Variants in NTM observed in about 807,000 individuals in gnomAD.
NTM encodes the protein IgLON family member 2.
In NTM, 13 loss-of-function variants were observed where a neutral mutation model predicts 42.1. The ratio of observed to expected loss-of-function variants is 0.31; its 90% CI spans 0.20 to 0.49. NTM has a LOEUF of 0.49. Ranked by LOEUF, NTM falls within the 20% of genes least tolerant of loss-of-function variation. The probability of loss-of-function intolerance (pLI) is 0.99; values close to 1 mark genes in which losing one functional copy is unlikely to be tolerated. For synonymous variants in NTM, 187 were observed against 179.2 expected (o/e 1.04, Z -0.35); for missense variants, 373 against 452.8 (o/e 0.82, Z 1.60).
chr11:132,047,139 C>A lies in NTM; in HGVS notation c.168-99143C>A, dbSNP rs147907838. Among the ~76,000 whole-genome samples, 93 of 152,348 alleles carry A rather than the reference C, an allele frequency of 6.1e-4. 2 individuals carry two copies. In the East Asian group the frequency reaches 0.016, roughly 27 times the overall value. Reference sequence around the variant, plus strand: ...GTGTTTCCTTATCCTTCTTTGCCTCCATCCAGTCTTCTGTGCCCCCATGGG... The same window carrying A: ...GTGTTTCCTTATCCTTCTTTGCCTCAATCCAGTCTTCTGTGCCCCCATGGG... On this transcript the variant is annotated intron_variant, in intron 2 of 8. Coordinates refer to ENST00000683400, the MANE Select transcript of NTM (RefSeq NM_001352005.2).
intron 2 of NTM, among the ~76,000 whole-genome samples, chr11:132,111,870 T>C (rs190787676): frequency 4.6e-5 from 7 of 152,354 alleles, no homozygotes; most frequent in African/African-American, 1.7e-4. Flanking sequence ...TCACCACTAG[T>C]TTGAATTTTC....
chr11:131,840,458 G>A (rs1044718775), intron 1 of NTM, among the ~76,000 whole-genome samples: 1 of 152,256 alleles, frequency 6.6e-6, no homozygotes, highest in South Asian at 2.1e-4. Flanking sequence ...GAGGTCTGAG[G>A]ATCGACCATG....
chr11:132,073,006 C>T (rs1285689776), intron 2 of NTM, among the ~76,000 whole-genome samples: 4 of 152,128 alleles, frequency 2.6e-5, no homozygotes, highest in Non-Finnish European at 2.9e-5. Context: ...AAAAATGAGG[C>T]TGGCTTATGA....
At chr11:131,438,449 G>A (rs1222311988) in intron 1 of NTM, among the ~76,000 whole-genome samples, 1 of 152,126 alleles carries the variant, frequency 6.6e-6, no homozygotes. Flanking sequence ...TTTTCACATA[G>A]TCCCATATTT....
At chr11:131,761,860 T>C in intron 1 of NTM, among the ~76,000 whole-genome samples, 1 of 133,376 alleles carries the variant, frequency 7.5e-6, no homozygotes, top group Non-Finnish European at 1.6e-5. Flanking sequence ...AATAAATAAA[T>C]AATAAATGCA....
At chr11:131,574,205 C>T (rs1014523492) in intron 1 of NTM, among the ~76,000 whole-genome samples, 1 of 152,066 alleles carries the variant, frequency 6.6e-6, no homozygotes, top group African/African-American at 2.4e-5. Context: ...CAACTTTATG[C>T]TTCATAGTTA....
intron 3 of NTM, among the ~76,000 whole-genome samples, chr11:132,175,024 C>A (rs1020316108): frequency 2.0e-5 from 3 of 152,138 alleles, no homozygotes; most frequent in African/African-American, 7.2e-5. Context: ...TTTCCCCCTG[C>A]AGCCTGCTGG....
intron 4 of NTM, among the ~76,000 whole-genome samples, chr11:132,213,212 G>A (rs115184238): frequency 0.01 from 1,567 of 152,222 alleles, 33 homozygotes; most frequent in African/African-American, 0.036. Context: ...CATGAAAGAC[G>A]CATATTAGGG....
Position 131,564,503 on chromosome 11 carries a change from AT to A in NTM, c.82+193625del, listed in dbSNP as rs1026780596. On this transcript the variant is annotated intron_variant, in intron 1 of 8. Transcript: ENST00000683400. Reference sequence around the variant, plus strand: ...GCTCTTTAGTGTCTCTTCTTTTTCAATTTTTTTTTTATTTTTCCAGCTTTTT... The same window carrying A: ...GCTCTTTAGTGTCTCTTCTTTTTCAATTTTTTTTTATTTTTCCAGCTTTTT... Among the ~76,000 whole-genome samples the A allele has an allele frequency of 2.1e-3, 318 of 149,572 alleles. 3 individuals are homozygous for A. The highest frequency in any genetic ancestry group is 5.6e-3 in the African/African-American group (229 of 40,804).
intron 1 of NTM, among the ~76,000 whole-genome samples, chr11:131,862,212 C>T (rs944113586): frequency 6.6e-6 from 1 of 152,162 alleles, no homozygotes; most frequent in Non-Finnish European, 1.5e-5. Flanking sequence ...GAGGAGGGAA[C>T]ATGTATTTCT....
At chr11:132,044,030 G>A (rs1419503286) in intron 2 of NTM, among the ~76,000 whole-genome samples, 1 of 150,742 alleles carries the variant, frequency 6.6e-6, no homozygotes, top group Non-Finnish European at 1.5e-5. Flanking sequence ...ATGTGTGTAT[G>A]TGTGTATATG....
intron 2 of NTM, among the ~76,000 whole-genome samples, chr11:132,032,492 A>G (rs1345923242): frequency 1.3e-5 from 2 of 152,176 alleles, no homozygotes; most frequent in Non-Finnish European, 2.9e-5. Flanking sequence ...ATCCAAGTCA[A>G]TGTTCAGTGA....
intron 1 of NTM, among the ~76,000 whole-genome samples, chr11:131,873,201 G>A (rs1386893688): frequency 6.6e-6 from 1 of 152,116 alleles, no homozygotes; most frequent in Non-Finnish European, 1.5e-5. Flanking sequence ...ATGAGTTCAT[G>A]TCCTTTTCAG....
chr11:132,005,120 T>C (rs2070466974), intron 2 of NTM, among the ~76,000 whole-genome samples: 1 of 152,110 alleles, frequency 6.6e-6, no homozygotes, highest in East Asian at 1.9e-4. Context: ...ACACAGCTGG[T>C]CATTAGATTA....
chr11:132,029,172 G>A (rs1404399705), intron 2 of NTM, among the ~76,000 whole-genome samples: 1 of 151,924 alleles, frequency 6.6e-6, no homozygotes, highest in South Asian at 2.1e-4. Context: ...GTTTTGCTCT[G>A]TGACATCTCT....
At position 131,630,483 on chromosome 11, in the gene NTM, A is replaced by T. The variant is rs150876667; in HGVS notation, c.82+259595A>T. 2.8e-3 allele frequency among the ~76,000 whole-genome samples: 425 copies of T among 152,280 alleles called. 3 individuals carry two copies. The highest frequency in any genetic ancestry group is 9.4e-3 in the African/African-American group (392 of 41,572). On this transcript the variant is annotated intron_variant, in intron 1 of 8. Transcript: ENST00000683400. ...CTTTTTTGCATTCTACTTGAATTAA[A>T]GAAGAATCTTTGCATGATAAGAGTT...
rs11820257 is a variant in NTM at position 131,741,871 on chromosome 11, G to A, written c.83-169693G>A. 6.0e-4 allele frequency among the ~76,000 whole-genome samples: 92 copies of A among 152,274 alleles called. 1 individual carries two copies. Among genetic ancestry groups the A allele is most frequent in the African/African-American group, 2.1e-3 (86 of 41,554 alleles). On this transcript the variant is annotated intron_variant, in intron 1 of 8. Transcript: ENST00000683400. ...TGGATAAAGAAAATGTGGTACATAC[G>A]CACCATAGAATACTATGTAGCCATA... is the stretch of plus-strand genomic sequence containing the variant.
intron 1 of NTM, among the ~76,000 whole-genome samples, chr11:131,648,218 A>G (rs891797578): frequency 5.9e-5 from 9 of 152,106 alleles, no homozygotes; most frequent in Non-Finnish European, 1.2e-4. Flanking sequence ...ATAGTGTTCC[A>G]TTGTGTGGAT....
chr11:132,076,308 C>T (rs1422783652), intron 2 of NTM, among the ~76,000 whole-genome samples: 1 of 152,182 alleles, frequency 6.6e-6, no homozygotes, highest in East Asian at 1.9e-4. Flanking sequence ...ATAAGCATGG[C>T]ATCCCAATAA....
Sources: allele counts gnomAD v4.1 joint callset (sites outside exome capture counted in the v4.1 genomes callset), GRCh38; gene constraint gnomAD v4.1.1; transcripts MANE v1.5; gene names NCBI Gene and HGNC (gene_info 2026-07-23, HGNC 2026-07-21).